The following SLC35F3 variants were observed in gnomAD, a reference collection of about 807,000 sequenced individuals.
SLC35F3 encodes the protein putative thiamine transporter SLC35F3.
A neutral mutation model predicts 49.9 loss-of-function variants in SLC35F3; 25 were observed. That is an observed-to-expected ratio of 0.50 (90% CI 0.37 to 0.70). The LOEUF (loss-of-function observed/expected upper bound fraction) is 0.70. Among genes scored for constraint, SLC35F3 ranks in the 30% least tolerant of loss-of-function variants. SLC35F3 has a pLI of 0.00. For synonymous variants in SLC35F3, 275 were observed against 265.4 expected (o/e 1.04, Z -0.35); for missense variants, 525 against 639.8 (o/e 0.82, Z 1.94).
chr1:234,228,047 G>T (rs1256768267), intron 2 of SLC35F3, among the ~76,000 whole-genome samples: 1 of 152,138 alleles, frequency 6.6e-6, no homozygotes, highest in East Asian at 1.9e-4. Context: ...GGATGTTGTG[G>T]CTTGCACTTC....
chr1:233,947,300 C>T (rs1662527857), intron 2 of SLC35F3, among the ~76,000 whole-genome samples: 1 of 152,064 alleles, frequency 6.6e-6, no homozygotes, highest in Admixed American at 6.5e-5. Context: ...TCCATACTCC[C>T]ACAGGGCATA....
chr1:234,078,746 A>T (rs913507392), intron 2 of SLC35F3, among the ~76,000 whole-genome samples: 17 of 152,198 alleles, frequency 1.1e-4, no homozygotes, highest in African/African-American at 4.1e-4. Context: ...TTTTTTTTGT[A>T]AGATGTTACA....
chr1:234,062,779 A>G (rs1296022200), intron 2 of SLC35F3, among the ~76,000 whole-genome samples: 1 of 149,276 alleles, frequency 6.7e-6, no homozygotes, highest in Non-Finnish European at 1.5e-5. Context: ...CCCTGGGTTC[A>G]TGCCATTCTC....
Position 234,231,516 on chromosome 1 carries a change from C to A in SLC35F3, c.383C>A (p.Ser128Tyr). 1.2e-6 allele frequency: 2 copies of A among 1,613,860 alleles called. No homozygotes were observed. Among genetic ancestry groups the A allele is most frequent in the Non-Finnish European group, 1.7e-6 (2 of 1,179,886 alleles). The change falls in exon 3 of 8, where the codon TCC (serine) becomes TAC (tyrosine). Residue 128 changes from serine (S) to tyrosine (Y), a missense_variant. Physicochemically the swap from Ser to Tyr is moderately radical, Grantham distance 144. Coordinates refer to ENST00000366618, the MANE Select transcript of SLC35F3 (RefSeq NM_173508.4). The surrounding 1 kb of genome is among the most constrained non-coding windows in gnomAD (Gnocchi z 5.4). ...GCGAGTCGCCGCTGCTGGACGTGCT[C>A]CCGGGCGCAACTCAAGAAGATCTTC... ...GRASRRCWTC[S>Y]RAQLKKIFWG...
rs546714415 is a variant in SLC35F3 at position 234,098,632 on chromosome 1, T to C, written c.284-132785T>C. Among the ~76,000 whole-genome samples the C allele has an allele frequency of 3.3e-5, 5 of 151,420 alleles. No homozygotes were observed. In the East Asian group the frequency reaches 9.7e-4, roughly 29 times the overall value. On this transcript the variant is annotated intron_variant, in intron 2 of 7. Coordinates refer to ENST00000366618, the MANE Select transcript of SLC35F3 (RefSeq NM_173508.4). ...GTGATGGTGGTGACTGTATTGGTGGTGGTGGTGGCAGTTCAGATGGTGGTG... is the reference window on the plus strand; with the variant it reads ...GTGATGGTGGTGACTGTATTGGTGGCGGTGGTGGCAGTTCAGATGGTGGTG...
chr1:234,074,287 G>A (rs1456699573), intron 2 of SLC35F3, among the ~76,000 whole-genome samples: 3 of 152,096 alleles, frequency 2.0e-5, no homozygotes, highest in African/African-American at 7.2e-5. Context: ...ATCTCTTCTG[G>A]ACCCACTTCT....
intron 2 of SLC35F3, among the ~76,000 whole-genome samples, chr1:233,907,398 G>A (rs1408431544): frequency 6.6e-6 from 1 of 152,202 alleles, no homozygotes; most frequent in East Asian, 1.9e-4. Context: ...TTGTAATTAA[G>A]ACAAGAGAAG....
At chr1:234,202,662 C>T (rs1383467712) in intron 2 of SLC35F3, among the ~76,000 whole-genome samples, 1 of 152,242 alleles carries the variant, frequency 6.6e-6, no homozygotes, top group Non-Finnish European at 1.5e-5. Context: ...CTCCGCATTT[C>T]AAGCAGCTGC....
chr1:233,979,353 A>G (rs12043562), intron 2 of SLC35F3, among the ~76,000 whole-genome samples: 6,206 of 152,324 alleles, frequency 0.041, 172 homozygotes, highest in East Asian at 0.17. Flanking sequence ...TAAGGCCCAC[A>G]GGAATAATAA....
chr1:233,932,361 G>A (rs539255834), intron 2 of SLC35F3, among the ~76,000 whole-genome samples: 5 of 152,274 alleles, frequency 3.3e-5, no homozygotes, highest in African/African-American at 1.2e-4. Flanking sequence ...CTGTGTATAA[G>A]TGGACCCTTG....
At chr1:233,977,812 G>A (rs1232669509) in intron 2 of SLC35F3, among the ~76,000 whole-genome samples, 1 of 152,154 alleles carries the variant, frequency 6.6e-6, no homozygotes, top group Non-Finnish European at 1.5e-5. Context: ...AGTCTTATAA[G>A]TCTACCAAGC....
chr1:234,275,751 T>TG (rs1491388649), intron 3 of SLC35F3, among the ~76,000 whole-genome samples: 2 of 96,712 alleles, frequency 2.1e-5, no homozygotes, highest in African/African-American at 4.2e-5. Context: ...TGGTAAGTAT[T>TG]GAAAAAAAAA....
At chr1:234,008,972 T>C (rs1663672760) in intron 2 of SLC35F3, among the ~76,000 whole-genome samples, 1 of 152,218 alleles carries the variant, frequency 6.6e-6, no homozygotes. Flanking sequence ...AACCTCATTT[T>C]TTGGATATCA....
chr1:234,090,616 CA>C (rs1558226625), intron 2 of SLC35F3, among the ~76,000 whole-genome samples: 1 of 152,178 alleles, frequency 6.6e-6, no homozygotes, highest in Non-Finnish European at 1.5e-5. Flanking sequence ...CATCAAGCTA[CA>C]TGGCTCTTCT....
chr1:234,301,225 A>G (rs1668686588), intron 3 of SLC35F3, among the ~76,000 whole-genome samples: 1 of 152,206 alleles, frequency 6.6e-6, no homozygotes, highest in South Asian at 2.1e-4. Context: ...TAGGTTGAAG[A>G]GAACCCTAAG....
At chr1:234,096,895 T>C (rs1168362690) in intron 2 of SLC35F3, among the ~76,000 whole-genome samples, 1 of 151,310 alleles carries the variant, frequency 6.6e-6, no homozygotes, top group Non-Finnish European at 1.5e-5. Context: ...CTTTTTTTTT[T>C]TTTTTTTTCT....
intron 2 of SLC35F3, among the ~76,000 whole-genome samples, chr1:234,108,837 T>C (rs1665354005): frequency 6.9e-6 from 1 of 144,838 alleles, no homozygotes. Flanking sequence ...TCTTTTTTGA[T>C]TTCTTTAAAT....
At chr1:234,151,580 G>C (rs1202400322) in intron 2 of SLC35F3, among the ~76,000 whole-genome samples, 1 of 151,092 alleles carries the variant, frequency 6.6e-6, no homozygotes, top group African/African-American at 2.4e-5. Flanking sequence ...AATGAGGAAA[G>C]AGTTCAAAAT....
intron 2 of SLC35F3, among the ~76,000 whole-genome samples, chr1:234,050,729 T>C (rs986520779): frequency 9.2e-5 from 14 of 152,234 alleles, no homozygotes. Context: ...ATGTCCTGAA[T>C]GATATTGCCT....
Sources: allele counts gnomAD v4.1 joint callset (sites outside exome capture counted in the v4.1 genomes callset), GRCh38; gene constraint gnomAD v4.1.1; non-coding constraint Gnocchi (gnomAD v3.1); transcripts MANE v1.5; gene names NCBI Gene and HGNC (gene_info 2026-07-23, HGNC 2026-07-21).